The following PACS1 variants were observed in gnomAD, a reference collection of about 807,000 sequenced individuals.
The protein encoded by PACS1 is PACS-1.
Under a neutral mutation model 115.0 loss-of-function variants are expected in PACS1, and 24 were observed. The ratio of observed to expected loss-of-function variants is 0.21; its 90% CI spans 0.15 to 0.29. The LOEUF (loss-of-function observed/expected upper bound fraction) is 0.29. Among genes scored for constraint, PACS1 ranks in the 10% least tolerant of loss-of-function variants. The probability of loss-of-function intolerance (pLI) is 1.00; values close to 1 mark genes in which losing one functional copy is unlikely to be tolerated. For synonymous variants in PACS1, 453 were observed against 504.5 expected (o/e 0.90, Z 1.37); for missense variants, 838 against 1,251.2 (o/e 0.67, Z 4.98).
At chr11:66,161,950 G>T (rs1463387263) in intron 1 of PACS1, among the ~76,000 whole-genome samples, 1 of 152,046 alleles carries the variant, frequency 6.6e-6, no homozygotes. Context: ...CAACCTGATG[G>T]ATATTAATTG....
intron 2 of PACS1, among the ~76,000 whole-genome samples, chr11:66,194,904 C>G (rs1359727591): frequency 6.6e-6 from 1 of 152,076 alleles, no homozygotes; most frequent in Non-Finnish European, 1.5e-5. Flanking sequence ...AGACGTTAGT[C>G]CCAAATACAT....
At chr11:66,131,534 G>A (rs996842995) in intron 1 of PACS1, among the ~76,000 whole-genome samples, 5 of 152,120 alleles carry the variant, frequency 3.3e-5, no homozygotes, top group Non-Finnish European at 7.4e-5. Flanking sequence ...AACTTTGTTT[G>A]TGGTGTCCTT....
At chr11:66,197,667 C>T (rs1377106382) in intron 2 of PACS1, among the ~76,000 whole-genome samples, 1 of 152,148 alleles carries the variant, frequency 6.6e-6, no homozygotes, top group African/African-American at 2.4e-5. Context: ...TGGCATATGC[C>T]TGCAGTCCCA....
At chr11:66,174,643 T>C (rs1006293495) in intron 1 of PACS1, among the ~76,000 whole-genome samples, 1 of 152,212 alleles carries the variant, frequency 6.6e-6, no homozygotes, top group Non-Finnish European at 1.5e-5. Flanking sequence ...GCCAGACATG[T>C]TGTATTGTCC....
intron 1 of PACS1, among the ~76,000 whole-genome samples, chr11:66,081,027 G>A (rs890115757): frequency 2.6e-5 from 4 of 152,012 alleles, no homozygotes; most frequent in Admixed American, 1.3e-4. Flanking sequence ...CCAGGAGTTC[G>A]AGACCAGCCT....
chr11:66,184,648 C>T (rs1860081516), intron 1 of PACS1, among the ~76,000 whole-genome samples: 1 of 152,186 alleles, frequency 6.6e-6, no homozygotes, highest in Admixed American at 6.5e-5. Context: ...CAAATATGTC[C>T]TCACTGAAGC....
intron 7 of PACS1, chr11:66,217,521 G>C (rs1855241580): frequency 2.2e-6 from 1 of 455,964 alleles, no homozygotes; most frequent in African/African-American, 2.0e-5. Context: ...AGCTAGCCTA[G>C]GGACCAAACC....
At chr11:66,208,221 G>C (rs1414429631) in intron 2 of PACS1, among the ~76,000 whole-genome samples, 1 of 152,148 alleles carries the variant, frequency 6.6e-6, no homozygotes, top group African/African-American at 2.4e-5. Context: ...TTCCCCTAAG[G>C]GTCAGCACCG....
intron 1 of PACS1, among the ~76,000 whole-genome samples, chr11:66,072,750 T>C (rs1370572601): frequency 3.3e-5 from 5 of 152,226 alleles, no homozygotes; most frequent in Admixed American, 6.5e-5. Flanking sequence ...CCTTCCTACG[T>C]GGGTCCAGTC....
At chr11:66,118,769 C>CAAAAAAAAAAAAAAAAAA (rs397945291) in intron 1 of PACS1, among the ~76,000 whole-genome samples, 33 of 83,568 alleles carry the variant, frequency 3.9e-4, no homozygotes, top group East Asian at 1.4e-3. Context: ...CCCATGTCTA[C>CAAAAAAAAAAAAAAAAAA]AAAAAAAAAA....
chr11:66,118,769 C>CAAA (rs397945291), intron 1 of PACS1, among the ~76,000 whole-genome samples: 290 of 83,106 alleles, frequency 3.5e-3, no homozygotes, highest in African/African-American at 5.2e-3. Context: ...CCCATGTCTA[C>CAAA]AAAAAAAAAA....
intron 1 of PACS1, among the ~76,000 whole-genome samples, chr11:66,164,504 C>T (rs1859555432): frequency 6.8e-6 from 1 of 146,990 alleles, no homozygotes; most frequent in Non-Finnish European, 1.5e-5. Context: ...GCAGGAGGAT[C>T]CTTTAAGCCC....
chr11:66,207,773 GTTTTGTTTTT>G (rs1854976410), intron 2 of PACS1, among the ~76,000 whole-genome samples: 2 of 151,422 alleles, frequency 1.3e-5, no homozygotes, highest in South Asian at 4.2e-4. Context: ...CTTTTGTTTT[GTTTTGTTTTT>G]TTTTGAGACG....
chr11:66,212,872 C>CA (rs1249485968), intron 4 of PACS1, among the ~76,000 whole-genome samples: 3 of 152,096 alleles, frequency 2.0e-5, no homozygotes, highest in Admixed American at 2.0e-4. Context: ...ATTTTCGAGA[C>CA]AGAGTCTCAC....
At chr11:66,096,550 C>G (rs1251300735) in intron 1 of PACS1, among the ~76,000 whole-genome samples, 1 of 148,598 alleles carries the variant, frequency 6.7e-6, no homozygotes, top group Non-Finnish European at 1.5e-5. Context: ...GTTGCCCAGG[C>G]TGGAGTGCAA....
At chr11:66,214,270 TTG>T (rs928804751) in intron 4 of PACS1, among the ~76,000 whole-genome samples, 3 of 152,152 alleles carry the variant, frequency 2.0e-5, no homozygotes, top group Admixed American at 1.3e-4. Context: ...CAGTCAGTGT[TTG>T]TGTCAGTGTG....
intron 1 of PACS1, among the ~76,000 whole-genome samples, chr11:66,170,909 C>CA (rs200066946): frequency 0.022 from 2,050 of 94,434 alleles, 63 homozygotes; most frequent in African/African-American, 0.031. Context: ...AACCCTGTCT[C>CA]AAAAAAAAAA....
chr11:66,070,692 C>T lies in PACS1; in HGVS notation c.206C>T (p.Ser69Phe), dbSNP rs1055692690. ...STSAAAASSS[S>F]SSTSTSMAVA... ...TCGGCGGCGGCTGCCTCCTCCTCGT[C>T]CTCGTCTACCTCCACCTCCATGGCC... Residue 69 changes from serine to phenylalanine, a missense_variant, in exon 1 of 24, where the codon TCC (serine) becomes TTC (phenylalanine). Physicochemically the swap from Ser to Phe is radical, Grantham distance 155. Transcript: ENST00000320580. This position sits in a 1 kb window ranked among gnomAD's most constrained non-coding sequence, Gnocchi z 5.9. 7.6e-6 allele frequency: 12 copies of T among 1,579,618 alleles called. No homozygotes were observed. In the Middle Eastern group the frequency reaches 5.0e-4, roughly 66 times the overall value.
chr11:66,213,223 G>T (rs530169191), intron 4 of PACS1, among the ~76,000 whole-genome samples: 30 of 152,302 alleles, frequency 2.0e-4, no homozygotes, highest in African/African-American at 7.2e-4. Context: ...GTTATGGACC[G>T]TGGGTTCCTG....
Sources: gnomAD v4.1 joint callset for allele counts (sites outside exome capture counted in the v4.1 genomes callset) on GRCh38, gnomAD v4.1.1 for gene constraint, Gnocchi (gnomAD v3.1) non-coding constraint, MANE v1.5 for transcripts, NCBI Gene and HGNC (gene_info 2026-07-23, HGNC 2026-07-21) for gene names.